Variants in IRAK4 observed in about 807,000 individuals in gnomAD.
The protein encoded by IRAK4 is interleukin-1 receptor-associated kinase 4.
A neutral mutation model predicts 51.8 loss-of-function variants in IRAK4; 44 were observed. That is an observed-to-expected ratio of 0.85 (90% confidence interval 0.67 to 1.09). The LOEUF is 1.09. Among genes scored for constraint, IRAK4 ranks in the 50% least tolerant of loss-of-function variants. IRAK4 has a pLI of 0.00. For synonymous variants in IRAK4, 149 were observed against 174.1 expected, an observed-to-expected ratio of 0.86 and a Z score of 1.13; for missense variants, 487 against 538.0, an observed-to-expected ratio of 0.91 and a Z score of 0.94.
intron 3 of IRAK4, 61 bp from the exon 4 acceptor site, chr12:43,772,119 A>C (rs747720684): frequency 4.3e-5 from 58 of 1,342,086 alleles, no homozygotes; most frequent in Non-Finnish European, 5.9e-5. Context: ...TTTCTAGTTT[A>C]ACTTTTTCAC....
At chr12:43,782,258 T>C (rs1941839011) in intron 8 of IRAK4, 49 bp from the exon 9 acceptor site, 2 of 1,343,350 alleles carry the variant, frequency 1.5e-6, no homozygotes, top group East Asian at 2.3e-5. Context: ...GTTTGACTTT[T>C]TTGGGGTGGG....
In IRAK4 at chr12:43,777,732, ACT is replaced by A; in HGVS notation, c.824_825del (p.Ser275LeufsTer22). 1 of 1,609,312 alleles carries A rather than the reference ACT, an allele frequency of 6.2e-7. No homozygotes were observed. The highest frequency in any genetic ancestry group is 8.5e-7 in the Non-Finnish European group (1 of 1,176,374). ...YMPNGSLLDR[L>X]SCLDGTPPLS... ...TGCCTAATGGTTCATTGCTAGACAG[ACT>A]CTCTTGCTTGGTAAGCTATTTGTTC... is the stretch of plus-strand genomic sequence containing the variant. On this transcript the variant is annotated frameshift_variant, in exon 7 of 12. Coordinates refer to ENST00000613694, the MANE Select transcript of IRAK4 (RefSeq NM_016123.4). LOFTEE classifies it high-confidence loss of function.
In IRAK4 at chr12:43,782,444, T is replaced by A. The variant is rs1941860578; in HGVS notation, c.1079T>A (p.Leu360Ter). ...GTTAYMAPEALRGEITPKSDI... is the reference protein window; with the variant it reads ...GTTAYMAPEA ...ACAGCTTATATGGCACCAGAAGCTT[T>A]GCGTGGAGAAATAACACCCAAATCT... The change falls in exon 9 of 12, where the codon TTG becomes TAG. Residue 360 changes from leucine to a stop codon, truncating the protein, a stop_gained. Transcript: ENST00000613694. LOFTEE classifies it high-confidence loss of function. 6.2e-7 allele frequency: 1 copy of A among 1,613,798 alleles called. No individual in the cohort carries two copies. Among genetic ancestry groups the A allele is most frequent in the South Asian group, 1.1e-5 (1 of 91,080 alleles).
At chr12:43,781,396 C>T (rs952627203) in intron 8 of IRAK4, among the ~76,000 whole-genome samples, 5 of 152,162 alleles carry the variant, frequency 3.3e-5, no homozygotes, top group African/African-American at 1.2e-4. Flanking sequence ...TCCTGTTGCT[C>T]ACAGGATAAA....
intron 1 of IRAK4, chr12:43,759,630 A>T (rs1939225114): frequency 6.5e-6 from 1 of 152,888 alleles, no homozygotes; most frequent in Non-Finnish European, 1.5e-5. Context: ...GCACTTTGGG[A>T]GGCCCAGGCG....
intron 6 of IRAK4, among the ~76,000 whole-genome samples, chr12:43,775,647 A>G (rs1387301751): frequency 1.3e-5 from 2 of 152,196 alleles, no homozygotes; most frequent in Non-Finnish European, 2.9e-5. Flanking sequence ...TTTCAGTATT[A>G]AAAATAAAGC....
chr12:43,784,286 G>A (rs1414875385), intron 10 of IRAK4, among the ~76,000 whole-genome samples: 2 of 152,218 alleles, frequency 1.3e-5, no homozygotes, highest in African/African-American at 2.4e-5. Context: ...AATGCGACTG[G>A]GAAGGGTTTC....
In IRAK4 at chr12:43,772,324, CA is replaced by C. The variant is rs760054904; in HGVS notation, c.454del (p.Ser152ValfsTer7). On this transcript the variant is annotated frameshift_variant, in exon 4 of 12. Coordinates refer to ENST00000613694, the MANE Select transcript of IRAK4 (RefSeq NM_016123.4). LOFTEE classifies it high-confidence loss of function. ...LEQSYMPPDS[S>X]SPENKSLEVS... ...CAAAGCTATATGCCACCTGACTCCTCAAGTCCAGAAAATAAAAGTTTAGAAG... is the reference window on the plus strand; with the variant it reads ...CAAAGCTATATGCCACCTGACTCCTCAGTCCAGAAAATAAAAGTTTAGAAG... The C allele has an allele frequency of 6.2e-7, 1 of 1,613,564 alleles. No individual in the cohort carries two copies. The highest frequency in any genetic ancestry group is 8.5e-7 in the Non-Finnish European group (1 of 1,179,938).
chr12:43,783,253 A>G (rs1941932641), intron 9 of IRAK4, among the ~76,000 whole-genome samples: 1 of 151,992 alleles, frequency 6.6e-6, no homozygotes, highest in Non-Finnish European at 1.5e-5. Flanking sequence ...TTTGTAAGCA[A>G]GATTCATATT....
intron 6 of IRAK4, 133 bp from the exon 7 acceptor site, chr12:43,777,497 C>A: frequency 7.1e-6 from 5 of 707,802 alleles, no homozygotes; most frequent in South Asian, 5.8e-5. Context: ...TAAACATAAA[C>A]ATCAAGTTAG....
chr12:43,786,385 C>T lies in IRAK4; in HGVS notation c.1189-14C>T, dbSNP rs1429624728. Reference sequence around the variant, plus strand: ...TGATTTGAAGCTCTTAAAGTTTTAACACTCATTTTAAAGCTAGATATTAAA... The same window carrying T: ...TGATTTGAAGCTCTTAAAGTTTTAATACTCATTTTAAAGCTAGATATTAAA... On this transcript the variant is annotated splice_polypyrimidine_tract_variant and intron_variant, in intron 10 of 11. Coordinates refer to ENST00000613694, the MANE Select transcript of IRAK4 (RefSeq NM_016123.4). 2.0e-6 allele frequency: 3 copies of T among 1,516,980 alleles called. No homozygotes were observed. The Admixed American group carries it at 5.5e-5, about 28-fold the overall frequency. The allele number at this position is 1,516,980 out of a possible 1,614,324, so 94.0% of individuals were successfully genotyped here.
intron 4 of IRAK4, 34 bp downstream of exon 4, chr12:43,772,396 T>G (rs761717531): frequency 1.3e-6 from 2 of 1,576,582 alleles, no homozygotes; most frequent in Non-Finnish European, 1.7e-6. Context: ...CCACTAGGGA[T>G]TTGTCATTAA....
intron 6 of IRAK4, among the ~76,000 whole-genome samples, chr12:43,775,389 C>T (rs1459836129): frequency 4.6e-5 from 7 of 152,162 alleles, no homozygotes; most frequent in African/African-American, 1.7e-4. Context: ...CTATGGTACA[C>T]GTTTACCTGT....
chr12:43,782,272 A>C, intron 8 of IRAK4, 35 bp from the exon 9 acceptor site: 4 of 1,536,614 alleles, frequency 2.6e-6, no homozygotes, highest in Non-Finnish European at 2.7e-6. Context: ...GGGTGGGAAA[A>C]ACATTTTTTT....
At chr12:43,760,884 T>G (rs964543414) in intron 1 of IRAK4, 2 of 152,158 alleles carry the variant, frequency 1.3e-5, no homozygotes, top group African/African-American at 2.4e-5. Flanking sequence ...TTGGTTTTGT[T>G]TTGTTTTTTT....
At chr12:43,769,116 G>A (rs1185315491) in intron 2 of IRAK4, among the ~76,000 whole-genome samples, 2 of 151,844 alleles carry the variant, frequency 1.3e-5, no homozygotes, top group Non-Finnish European at 2.9e-5. Flanking sequence ...AATTGGGGCA[G>A]TGGTGGCAGG....
intron 6 of IRAK4, among the ~76,000 whole-genome samples, chr12:43,775,874 CTT>C (rs770553873): frequency 6.4e-4 from 58 of 90,530 alleles, no homozygotes; most frequent in African/African-American, 2.1e-3. Context: ...AATATCATTA[CTT>C]TTTTTTTTTT....
rs2138047917 is a variant in IRAK4, at chr12:43,782,480, G to A, written c.1115G>A (p.Ser372Asn). ...ATAACACCCAAATCTGATATTTACA[G>A]CTTTGGTGTGGTAAGTTCCGTATAC... ...GEITPKSDIY[S>N]FGVVLLEIIT... The change falls in exon 9 of 12, where the codon AGC becomes AAC. Residue 372 changes from serine to asparagine, a missense_variant. Physicochemically the swap from Ser to Asn is conservative, Grantham distance 46 (BLOSUM62 1). Coordinates refer to ENST00000613694, the MANE Select transcript of IRAK4 (RefSeq NM_016123.4). 6.2e-7 allele frequency: 1 copy of A among 1,612,840 alleles called. No individual in the cohort carries two copies. Among genetic ancestry groups the A allele is most frequent in the Non-Finnish European group, 8.5e-7 (1 of 1,178,934 alleles).
At chr12:43,783,771 T>C in intron 10 of IRAK4, 47 bp downstream of exon 10, 1 of 1,275,500 alleles carries the variant, frequency 7.8e-7, no homozygotes, top group Non-Finnish European at 1.1e-6. Context: ...TCTGCTTTTG[T>C]AGTCTAAATT....
Sources: gnomAD v4.1 joint callset for allele counts (sites outside exome capture counted in the v4.1 genomes callset) on GRCh38, gnomAD v4.1.1 for gene constraint, MANE v1.5 for transcripts, NCBI Gene and HGNC (gene_info 2026-07-23, HGNC 2026-07-21) for gene names.